Variants in TPR observed in about 807,000 individuals in gnomAD.
The protein encoded by TPR is translocated promoter region, nuclear basket protein, also known as nucleoprotein TPR.
A neutral mutation model predicts 316.1 loss-of-function variants in TPR; 51 were observed. The ratio of observed to expected loss-of-function variants is 0.16; its 90% confidence interval spans 0.13 to 0.20. The LOEUF (loss-of-function observed/expected upper bound fraction) is 0.20, where lower values mean the gene tolerates loss of function less well. Among genes scored for constraint, TPR ranks in the 10% least tolerant of loss-of-function variants. The pLI, the probability that TPR is intolerant of heterozygous loss-of-function variation, is 1.00. For missense variants in TPR, 2,272 were observed against 2,754.8 expected, an observed-to-expected ratio of 0.82 and a Z score of 3.92; for synonymous variants, 981 against 914.7, an observed-to-expected ratio of 1.07 and a Z score of -1.31.
chr1:186,314,168 T>C (rs1169794261), intron 50 of TPR, 142 bp from the exon 51 acceptor site: 2 of 673,288 alleles, frequency 3.0e-6, no homozygotes, highest in Non-Finnish European at 4.9e-6. Context: ...CAATGGAAAT[T>C]ATTACAAGCA....
chr1:186,327,381 C>T, intron 40 of TPR, 79 bp downstream of exon 40: 2 of 1,300,316 alleles, frequency 1.5e-6, no homozygotes, highest in Non-Finnish European at 2.1e-6. Flanking sequence ...AATTTACAGC[C>T]AATGCATTAG....
chr1:186,343,450 A>G lies in TPR; in HGVS notation c.3626T>C (p.Ile1209Thr). The G allele has an allele frequency of 6.2e-7, 1 of 1,613,108 alleles. No individual in the cohort carries two copies. Among genetic ancestry groups the G allele is most frequent in the Non-Finnish European group, 8.5e-7 (1 of 1,179,734 alleles). ...ILRFIRREKE[I>T]AETRFEVAQV... ...AGCCACCTCAAACCTAGTTTCAGCA[A>G]TTTCTTTTTCTCGTCGTATAAATCT... is the stretch of plus-strand genomic sequence containing the variant. Residue 1209 changes from isoleucine to threonine, a missense_variant, in exon 27 of 51, where the codon ATT (isoleucine) becomes ACT (threonine). Ile to Thr is a moderately conservative substitution (Grantham distance 89, BLOSUM62 -1). Transcript: ENST00000367478.
rs1333317126 is a variant in TPR, at chr1:186,360,780, C to A, written c.1084G>T (p.Ala362Ser). 2 of 1,612,820 alleles carry A rather than the reference C, an allele frequency of 1.2e-6. No homozygotes were observed. Among genetic ancestry groups the A allele is most frequent in the Non-Finnish European group, 1.7e-6 (2 of 1,179,196 alleles). ...TTAGCCATACCTTTACGTTTTGTGG[C>A]AGAAAGAAGGTCATTTGCATTCTCT... is the stretch of plus-strand genomic sequence containing the variant. ...ELENANDLLS[A>S]TKRKGAILSE... The change falls in exon 10 of 51, where the codon GCC (alanine) becomes TCC (serine). Residue 362 changes from alanine (A) to serine (S), a missense_variant. Ala to Ser is a moderately conservative substitution (Grantham distance 99, BLOSUM62 1). Transcript: ENST00000367478.
At position 186,313,645 on chromosome 1, in the gene TPR, C is replaced by T. The variant is rs370947927; in HGVS notation, c.*326G>A. 7.7e-7 allele frequency: 1 copy of T among 1,302,856 alleles called. No individual in the cohort carries two copies. The highest frequency in any genetic ancestry group is 1.5e-5 in the African/African-American group (1 of 68,680). The allele number at this position is 1,302,856 out of a possible 1,614,324, so 80.7% of individuals were successfully genotyped here. A position where few individuals can be genotyped will look rare whatever the true frequency, so the allele number is the denominator to read the frequency against. ...TATTTTTTAGTTTGGGCATTGTTTT[C>T]TTTTTAACTAAAAAAATGTTTTCTC... is the stretch of plus-strand genomic sequence containing the variant. On this transcript the variant is annotated 3_prime_UTR_variant, in exon 51 of 51. Coordinates refer to ENST00000367478, the MANE Select transcript of TPR (RefSeq NM_003292.3).
chr1:186,333,452 A>G, intron 36 of TPR, 58 bp from the exon 37 acceptor site: 1 of 1,579,256 alleles, frequency 6.3e-7, no homozygotes, highest in Non-Finnish European at 8.6e-7. Flanking sequence ...AGCTGAAATT[A>G]TCCTTCCTAT....
intron 20 of TPR, 132 bp downstream of exon 20, chr1:186,351,198 A>T: frequency 9.7e-6 from 10 of 1,029,296 alleles, no homozygotes; most frequent in Non-Finnish European, 1.3e-5. Flanking sequence ...CTGGGTATAG[A>T]GTGAGGCAAG....
rs767539319 is a variant in TPR at position 186,344,452 on chromosome 1, C to T, written c.3340G>A (p.Glu1114Lys). The T allele has an allele frequency of 6.2e-7, 1 of 1,613,984 alleles. No individual in the cohort carries two copies. The highest frequency in any genetic ancestry group is 2.2e-5 in the East Asian group (1 of 44,866). ...GATTCTGCTTTCTGTGTTGTTTCTTCCAAATGCTGACGGACTGATGCCATT... is the reference window on the plus strand; with the variant it reads ...GATTCTGCTTTCTGTGTTGTTTCTTTCAAATGCTGACGGACTGATGCCATT... The part of the protein sequence containing the change: ...SKMASVRQHL[E>K]ETTQKAESQL... Residue 1114 changes from glutamate (E) to lysine (K), a missense_variant, in exon 25 of 51, where the codon GAA becomes AAA. Glu to Lys is a moderately conservative substitution (Grantham distance 56). Transcript: ENST00000367478.
chr1:186,343,223 G>A (rs1571618538), intron 27 of TPR, 103 bp downstream of exon 27: 1 of 1,405,142 alleles, frequency 7.1e-7, no homozygotes, highest in Non-Finnish European at 9.6e-7. Context: ...TTAGAAGAAT[G>A]CTTACTTCAA....
At chr1:186,322,143 C>T (rs1337953736) in intron 45 of TPR, among the ~76,000 whole-genome samples, 175 bp downstream of exon 45, 3 of 152,158 alleles carry the variant, frequency 2.0e-5, no homozygotes, top group Non-Finnish European at 4.4e-5. Flanking sequence ...ATGTCATTCA[C>T]CTCTGTATAA....
intron 7 of TPR, 51 bp from the exon 8 acceptor site, chr1:186,361,920 T>G (rs944991257): frequency 1.3e-6 from 2 of 1,552,914 alleles, no homozygotes; most frequent in Non-Finnish European, 1.8e-6. Context: ...AAATTTAGAA[T>G]GCTTATCAAA....
At chr1:186,374,260 TCTTA>T (rs1659623581) in intron 1 of TPR, among the ~76,000 whole-genome samples, 2 of 152,234 alleles carry the variant, frequency 1.3e-5, no homozygotes, top group Admixed American at 6.5e-5. Context: ...TCAGTAACTT[TCTTA>T]CTTAAAGGCC....
At chr1:186,359,556 G>T (rs983161897) in intron 12 of TPR, among the ~76,000 whole-genome samples, 4 of 151,768 alleles carry the variant, frequency 2.6e-5, no homozygotes, top group Non-Finnish European at 5.9e-5. Flanking sequence ...GGAAAACATA[G>T]TAAATGCATT....
chr1:186,339,358 G>T (rs922729474), intron 30 of TPR, among the ~76,000 whole-genome samples: 6 of 150,702 alleles, frequency 4.0e-5, no homozygotes, highest in Non-Finnish European at 8.9e-5. Flanking sequence ...AAACCTCCTT[G>T]TAAGTTTTTG....
At chr1:186,363,290 G>T in intron 5 of TPR, 52 bp downstream of exon 5, 1 of 1,392,750 alleles carries the variant, frequency 7.2e-7, no homozygotes, top group Non-Finnish European at 1.0e-6. Context: ...TAATTTAGGT[G>T]AGTTTTAATA....
At chr1:186,333,515 A>G (rs2102065519) in intron 36 of TPR, 121 bp from the exon 37 acceptor site, 3 of 1,176,782 alleles carry the variant, frequency 2.5e-6, no homozygotes, top group Non-Finnish European at 3.6e-6. Context: ...AGACAAATAC[A>G]TTGTAGGTAA....
intron 20 of TPR, among the ~76,000 whole-genome samples, chr1:186,350,589 C>T (rs186688604): frequency 2.4e-4 from 36 of 152,032 alleles, no homozygotes; most frequent in Non-Finnish European, 3.2e-4. Flanking sequence ...AGAGGTGAAC[C>T]TTAGATTGCC....
chr1:186,344,635 A>G, intron 24 of TPR, 57 bp from the exon 25 acceptor site: 1 of 1,350,732 alleles, frequency 7.4e-7, no homozygotes, highest in Non-Finnish European at 9.7e-7. Context: ...AAAACTAGTT[A>G]GCACTTGTCC....
Position 186,334,394 on chromosome 1 carries a change from T to C in TPR, c.5113A>G (p.Thr1705Ala), listed in dbSNP as rs189542880. The change falls in exon 36 of 51, where the codon ACT (threonine) becomes GCT (alanine). Residue 1705 changes from threonine to alanine, a missense_variant. By Grantham distance (58) the Thr-to-Ala change is moderately conservative. Transcript: ENST00000367478. The part of the protein sequence containing the change: ...ASIRPMVTPA[T>A]VTNPTTTPTA... ...GGGGTAGTAGTGGGATTTGTAACAG[T>C]TGCAGGTGTAACCATTGGGCGGATA... 28 of 1,613,542 alleles carry C rather than the reference T, an allele frequency of 1.7e-5. No homozygotes were observed. The highest frequency in any genetic ancestry group is 2.2e-5 in the Non-Finnish European group (26 of 1,179,734).
At chr1:186,371,126 T>C in intron 2 of TPR, 83 bp from the exon 3 acceptor site, 3 of 1,022,336 alleles carry the variant, frequency 2.9e-6, no homozygotes, top group Non-Finnish European at 4.5e-6. Flanking sequence ...CAACCTTACA[T>C]ATTTTAATAA....
Sources: gnomAD v4.1 joint callset for allele counts (sites outside exome capture counted in the v4.1 genomes callset) on GRCh38, gnomAD v4.1.1 for gene constraint, MANE v1.5 for transcripts, NCBI Gene and HGNC (gene_info 2026-07-23, HGNC 2026-07-21) for gene names.